The following ERMP1 variants were observed in gnomAD, a reference collection of about 807,000 sequenced individuals.
ERMP1 encodes the protein Felix-ina.
A neutral mutation model predicts 92.0 loss-of-function variants in ERMP1; 86 were observed. That is an observed-to-expected ratio of 0.93 (90% CI 0.79 to 1.12). The LOEUF (loss-of-function observed/expected upper bound fraction) is 1.12. ERMP1 is among the 50% of genes most tolerant of loss of function. The probability of loss-of-function intolerance (pLI) is 0.00; values close to 1 mark genes in which losing one functional copy is unlikely to be tolerated. For missense variants in ERMP1, 1,342 were observed against 1,116.3 expected (o/e 1.20, Z -2.88); for synonymous variants, 530 against 412.8 (o/e 1.28, Z -3.44).
upstream of ERMP1, among the ~76,000 whole-genome samples, chr9:5,834,703 A>ATGTGTG (rs766269385): frequency 0.3 from 37,362 of 122,630 alleles, 6,267 homozygotes; most frequent in East Asian, 0.46. Context: ...GTATGTATAT[A>ATGTGTG]TGTGTGTGTG....
chr9:5,817,582 A>C (rs1424375245), intron 4 of ERMP1, among the ~76,000 whole-genome samples: 1 of 152,186 alleles, frequency 6.6e-6, no homozygotes, highest in East Asian at 1.9e-4. Context: ...ATACAGAAAC[A>C]TTTTCAATTG....
At chr9:5,841,030 T>A (rs1436024856) in intron 6 of ERMP1, among the ~76,000 whole-genome samples, 1 of 152,234 alleles carries the variant, frequency 6.6e-6, no homozygotes, top group Non-Finnish European at 1.5e-5. Context: ...TTGTTAAGTG[T>A]TACTGTTCTG....
At chr9:5,835,193 A>G (rs1461864818), upstream of ERMP1, among the ~76,000 whole-genome samples, 1 of 152,292 alleles carries the variant, frequency 6.6e-6, no homozygotes, top group South Asian at 2.1e-4. Context: ...GTTTTTCTCT[A>G]TACTTGTATA....
At chr9:5,862,291 C>G (rs1458685887) in intron 5 of ERMP1, among the ~76,000 whole-genome samples, 1 of 151,772 alleles carries the variant, frequency 6.6e-6, no homozygotes, top group Non-Finnish European at 1.5e-5. Flanking sequence ...CTCAGCCTCT[C>G]AAAGTGCTGG....
chr9:5,831,026 T>A lies in ERMP1; in HGVS notation c.341A>T (p.Asp114Val), dbSNP rs774417762. The change falls in exon 2 of 15, where the codon GAT (aspartate) becomes GTT (valine). Residue 114 changes from aspartate to valine, a missense_variant and splice_region_variant. Asp to Val is a radical substitution (Grantham distance 152). Coordinates refer to ENST00000339450, the MANE Select transcript of ERMP1 (RefSeq NM_024896.3). ...AATGGAGGTTATGTGTTCAAGATAA[T>A]CCCTGGAAGTAACCAAAAGAATAAC... Reference protein sequence around the residue: ...RGEFDALQARDYLEHITSIGP... With the variant: ...RGEFDALQARVYLEHITSIGP... 22 of 1,601,314 alleles carry A rather than the reference T, an allele frequency of 1.4e-5. No individual in the cohort carries two copies. In the East Asian group the frequency reaches 4.5e-4, roughly 33 times the overall value.
upstream of ERMP1, among the ~76,000 whole-genome samples, chr9:5,834,909 G>A (rs1830069217): frequency 6.9e-6 from 1 of 145,598 alleles, no homozygotes; most frequent in Admixed American, 7.1e-5. Flanking sequence ...TGGTAATGCA[G>A]ATGATACCTG....
At chr9:5,827,588 G>A (rs886611324) in intron 2 of ERMP1, among the ~76,000 whole-genome samples, 48 of 151,944 alleles carry the variant, frequency 3.2e-4, no homozygotes, top group African/African-American at 1.1e-3. Flanking sequence ...AGGGCCAGGC[G>A]CAGTGGCTCA....
At position 5,832,997 on chromosome 9, in the gene ERMP1, T is replaced by TC; in HGVS notation, c.30dup (p.Arg11GlufsTer47). ...CGCTCTACTCCGACGCGGTGCCGCC[T>TC]CACAGCAGCCGACTCAGAACCCCAC... On this transcript the variant is annotated frameshift_variant, in exon 1 of 15. Coordinates refer to ENST00000339450, the MANE Select transcript of ERMP1 (RefSeq NM_024896.3). LOFTEE classifies it high-confidence loss of function. 6.4e-7 allele frequency: 1 copy of TC among 1,558,472 alleles called. No individual in the cohort carries two copies.
chr9:5,861,180 T>C (rs1024015447), intron 5 of ERMP1, among the ~76,000 whole-genome samples: 6 of 137,026 alleles, frequency 4.4e-5, no homozygotes, highest in Non-Finnish European at 9.8e-5. Flanking sequence ...GGTGTGTGTG[T>C]GTGTGTGTGT....
chr9:5,827,495 T>C (rs1436215149), intron 2 of ERMP1, among the ~76,000 whole-genome samples: 3 of 152,284 alleles, frequency 2.0e-5, no homozygotes, highest in African/African-American at 7.2e-5. Context: ...AAACACTATT[T>C]TTAACAATTT....
chr9:5,793,906 T>G (rs1262064874), intron 13 of ERMP1, among the ~76,000 whole-genome samples: 1 of 152,060 alleles, frequency 6.6e-6, no homozygotes, highest in Admixed American at 6.5e-5. Flanking sequence ...AAAAATATAA[T>G]TGAACTGAAC....
At chr9:5,839,598 G>C (rs540229744) in intron 6 of ERMP1, among the ~76,000 whole-genome samples, 1 of 152,140 alleles carries the variant, frequency 6.6e-6, no homozygotes, top group Non-Finnish European at 1.5e-5. Context: ...GCACATCTAG[G>C]TGTGCGCACC....
chr9:5,852,798 A>G (rs539505292), intron 6 of ERMP1, among the ~76,000 whole-genome samples: 2 of 152,336 alleles, frequency 1.3e-5, no homozygotes, highest in South Asian at 4.1e-4. Flanking sequence ...AGAAAAATTA[A>G]TAACAGCAAC....
intron 6 of ERMP1, 49 bp downstream of exon 6, chr9:5,812,076 C>T (rs757112373): frequency 8.6e-7 from 1 of 1,161,132 alleles, no homozygotes; most frequent in East Asian, 2.3e-5. Flanking sequence ...TGTATCATCC[C>T]TAACATTCCA....
chr9:5,844,076 C>G (rs985222805), intron 6 of ERMP1, among the ~76,000 whole-genome samples: 3 of 152,078 alleles, frequency 2.0e-5, no homozygotes, highest in African/African-American at 7.2e-5. Flanking sequence ...GACCTACAAT[C>G]AAACATACAT....
At chr9:5,840,133 T>C (rs542000653) in intron 6 of ERMP1, among the ~76,000 whole-genome samples, 84 of 152,150 alleles carry the variant, frequency 5.5e-4, no homozygotes, top group African/African-American at 2.0e-3. Context: ...TTCCAGCTAC[T>C]CAAGAGGCTG....
At position 5,850,441 on chromosome 9, in the gene ERMP1, A is replaced by AG. The variant is rs1420433201; in HGVS notation, n.3199+9026_3199+9027insC. Reference sequence around the variant, plus strand: ...AAAAAAAAAAAAAAGAAGAAGAAGAAAAAAAGAAATAGAAAATTCCCTGGC... The same window carrying AG: ...AAAAAAAAAAAAAAGAAGAAGAAGAAGAAAAAGAAATAGAAAATTCCCTGGC... On this transcript the variant is annotated intron_variant and non_coding_transcript_variant, in intron 6 of 6. Coordinates refer to the ERMP1 transcript ENST00000690753. Among the ~76,000 whole-genome samples, 252 of 149,510 alleles carry AG rather than the reference A, an allele frequency of 1.7e-3. 9 individuals carry two copies. The highest frequency in any genetic ancestry group is 2.3e-3 in the South Asian group (11 of 4,726).
intron 4 of ERMP1, 119 bp downstream of exon 4, chr9:5,823,777 T>C: frequency 1.4e-6 from 1 of 733,298 alleles, no homozygotes; most frequent in East Asian, 2.7e-5. Flanking sequence ...CACCTCATGC[T>C]TTAAAAAGAA....
Position 5,833,029 on chromosome 9 carries a change from G to T in ERMP1, c.-2C>A. On this transcript the variant is annotated 5_prime_UTR_variant, in exon 1 of 15. Coordinates refer to ENST00000339450, the MANE Select transcript of ERMP1 (RefSeq NM_024896.3). ...AGCCGACTCAGAACCCCACTCCATG[G>T]CCACGAGCCTCAGCTGCCAGCCCAA... The T allele has an allele frequency of 6.6e-7, 1 of 1,513,866 alleles. No homozygotes were observed. Among genetic ancestry groups the T allele is most frequent in the African/African-American group, 1.4e-5 (1 of 69,656 alleles). 93.8% of individuals were successfully genotyped at this position (1,513,866 alleles called of 1,614,324 possible).
Sources: allele counts gnomAD v4.1 joint callset (sites outside exome capture counted in the v4.1 genomes callset), GRCh38; gene constraint gnomAD v4.1.1; transcripts MANE v1.5; gene names NCBI Gene and HGNC (gene_info 2026-07-23, HGNC 2026-07-21).